The following ANK2 variants were observed in gnomAD, a reference collection of about 807,000 sequenced individuals.
ANK2 encodes the protein ankyrin 2.
A neutral mutation model predicts 360.5 loss-of-function variants in ANK2; 83 were observed. The ratio of observed to expected loss-of-function variants is 0.23; its 90% CI spans 0.19 to 0.28. The LOEUF (loss-of-function observed/expected upper bound fraction) is 0.28, where lower values mean the gene tolerates loss of function less well. Among genes scored for constraint, ANK2 ranks in the 10% least tolerant of loss-of-function variants. ANK2 has a pLI of 1.00. For synonymous variants in ANK2, 1,740 were observed against 1,759.5 expected (o/e 0.99, Z 0.28); for missense variants, 4,201 against 4,795.7 (o/e 0.88, Z 3.66).
At chr4:113,256,547 T>A (rs1419958620) in intron 11 of ANK2, among the ~76,000 whole-genome samples, 3 of 152,226 alleles carry the variant, frequency 2.0e-5, no homozygotes, top group Non-Finnish European at 4.4e-5. Flanking sequence ...AGCAGCTTTA[T>A]GTCTCCCCAG....
At chr4:113,303,354 AAGT>A (rs1563577130) in intron 23 of ANK2, among the ~76,000 whole-genome samples, 2 of 152,218 alleles carry the variant, frequency 1.3e-5, no homozygotes, top group African/African-American at 4.8e-5. Context: ...GTACAGCAGG[AAGT>A]AGTATAAATT....
Position 113,232,155 on chromosome 4 carries a change from C to T in ANK2, c.385-6C>T, listed in dbSNP as rs199939848. 60 of 1,557,516 alleles carry T rather than the reference C, an allele frequency of 3.9e-5. No individual in the cohort carries two copies. The African/African-American group carries it at 6.0e-4, about 15-fold the overall frequency. On this transcript the variant is annotated splice_region_variant and splice_polypyrimidine_tract_variant and intron_variant, in intron 4 of 45. Coordinates refer to ENST00000357077, the MANE Select transcript of ANK2 (RefSeq NM_001148.6). ...GAAGGTGTCTTTTTTTATTGCTTGT[C>T]CTCAGAATGGCTTTACTCCTTTATA... is the stretch of plus-strand genomic sequence containing the variant.
chr4:112,711,548 G>A, the ANK2 span, among the ~76,000 whole-genome samples: 1 of 151,952 alleles, frequency 6.6e-6, no homozygotes, highest in African/African-American at 2.4e-5. Context: ...CGGGCATGGA[G>A]GCTCAAGCCT....
chr4:113,266,033 G>A (rs1180922535), intron 14 of ANK2, among the ~76,000 whole-genome samples: 4 of 152,114 alleles, frequency 2.6e-5, no homozygotes, highest in Non-Finnish European at 5.9e-5. Flanking sequence ...AGGTATATAT[G>A]TGCCATGGTG....
chr4:113,291,454 C>CA (rs916471670), intron 20 of ANK2, among the ~76,000 whole-genome samples: 6 of 110,802 alleles, frequency 5.4e-5, no homozygotes, highest in Middle Eastern at 4.4e-3. Context: ...GGATGTGCCA[C>CA]ACTTAGAGAC....
intron 15 of ANK2, 56 bp downstream of exon 15, chr4:113,274,705 T>C: frequency 1.3e-6 from 2 of 1,572,338 alleles, no homozygotes; most frequent in Non-Finnish European, 1.7e-6. Context: ...AGTCATGGCC[T>C]TTCTGCTCTA....
intron 1 of ANK2, among the ~76,000 whole-genome samples, chr4:112,829,105 A>C (rs575695170): frequency 2.8e-4 from 43 of 152,330 alleles, no homozygotes; most frequent in African/African-American, 1.0e-3. Flanking sequence ...GTGAGCTGAG[A>C]TGATGCCACT....
intron 2 of ANK2, among the ~76,000 whole-genome samples, chr4:112,921,136 C>T (rs2091380109): frequency 6.7e-6 from 1 of 149,564 alleles, no homozygotes; most frequent in Non-Finnish European, 1.5e-5. Context: ...AAACAATCCT[C>T]TCATCTCAGC....
At chr4:112,867,672 G>GTT (rs34029563) in intron 1 of ANK2, among the ~76,000 whole-genome samples, 119 of 135,166 alleles carry the variant, frequency 8.8e-4, no homozygotes, top group African/African-American at 1.8e-3. Flanking sequence ...TTTTAAGTCT[G>GTT]TTTTTTTTTT....
At chr4:113,362,356 G>T (rs908818040) in intron 39 of ANK2, among the ~76,000 whole-genome samples, 2 of 152,052 alleles carry the variant, frequency 1.3e-5, no homozygotes, top group African/African-American at 4.8e-5. Context: ...TTCAAAAGAG[G>T]TCACCCTATT....
rs13134977 is a variant in ANK2, at chr4:113,137,092, C to T, written c.85-37324C>T. On this transcript the variant is annotated intron_variant, in intron 1 of 45. Transcript: ENST00000357077. ...CAGGTGATCCACCCACCTTGGCCCC[C>T]CAAAGTGCTGGGATTACATGTGTGA... Among the ~76,000 whole-genome samples, 1,043 of 152,142 alleles carry T rather than the reference C, an allele frequency of 6.9e-3. 3 individuals carry two copies. The highest frequency in any genetic ancestry group is 0.031 in the Middle Eastern group (9 of 292).
At chr4:113,198,538 T>G (rs890517104) in intron 3 of ANK2, among the ~76,000 whole-genome samples, 1 of 152,170 alleles carries the variant, frequency 6.6e-6, no homozygotes, top group Non-Finnish European at 1.5e-5. Flanking sequence ...TCCCAACATA[T>G]TCTCAAGTGC....
chr4:113,229,448 C>G (rs1258931820), intron 4 of ANK2, among the ~76,000 whole-genome samples: 1 of 152,154 alleles, frequency 6.6e-6, no homozygotes, highest in Non-Finnish European at 1.5e-5. Flanking sequence ...CCAGGATAAC[C>G]TCCTCATCTC....
chr4:113,335,792 T>C, intron 29 of ANK2, 54 bp from the exon 30 acceptor site: 1 of 1,544,166 alleles, frequency 6.5e-7, no homozygotes, highest in South Asian at 1.1e-5. Context: ...GCTAGAATGC[T>C]GTTAGAAGGA....
At chr4:112,754,245 G>T in the ANK2 span, among the ~76,000 whole-genome samples, 2 of 150,464 alleles carry the variant, frequency 1.3e-5, no homozygotes, top group Admixed American at 6.6e-5. Context: ...CAATTACTGT[G>T]GCATGTCCTC....
chr4:113,247,561 T>C (rs564252968), intron 9 of ANK2, among the ~76,000 whole-genome samples: 15 of 152,364 alleles, frequency 9.8e-5, no homozygotes, highest in Admixed American at 3.9e-4. Flanking sequence ...GACTATTTCA[T>C]GCAATTTGCA....
intron 45 of ANK2, among the ~76,000 whole-genome samples, chr4:113,376,746 T>C (rs1297989441): frequency 6.6e-6 from 1 of 151,510 alleles, no homozygotes; most frequent in Non-Finnish European, 1.5e-5. Flanking sequence ...CCTTGTTCTA[T>C]AAACTTTTTT....
chr4:113,040,485 G>A (rs549041666), intron 2 of ANK2, among the ~76,000 whole-genome samples: 1 of 152,140 alleles, frequency 6.6e-6, no homozygotes, highest in East Asian at 1.9e-4. Context: ...AACAATTGCT[G>A]CTGCTGCTGC....
intron 4 of ANK2, among the ~76,000 whole-genome samples, chr4:113,206,890 G>A (rs1286697980): frequency 6.6e-6 from 1 of 152,138 alleles, no homozygotes; most frequent in Non-Finnish European, 1.5e-5. Context: ...TGGGCTTGGT[G>A]GTGGGTGCTT....
Sources: allele counts gnomAD v4.1 joint callset (sites outside exome capture counted in the v4.1 genomes callset), GRCh38; gene constraint gnomAD v4.1.1; transcripts MANE v1.5; gene names NCBI Gene and HGNC (gene_info 2026-07-23, HGNC 2026-07-21).